ITPR2: variants seen among roughly 807,000 people sequenced by gnomAD.
ITPR2 encodes inositol 1,4,5-trisphosphate-gated calcium channel ITPR2.
A neutral mutation model predicts 317.1 loss-of-function variants in ITPR2; 207 were observed. The ratio of observed to expected loss-of-function variants is 0.65; its 90% CI spans 0.58 to 0.73. The LOEUF is 0.73. ITPR2 is among the 30% of genes least tolerant of loss of function. The pLI is 0.00. For synonymous variants in ITPR2, 1,156 were observed against 1,149.1 expected (o/e 1.01, Z -0.12); for missense variants, 2,613 against 3,284.0 (o/e 0.80, Z 4.99).
At chr12:26,731,854 G>C (rs1262126238) in intron 2 of ITPR2, among the ~76,000 whole-genome samples, 1 of 152,164 alleles carries the variant, frequency 6.6e-6, no homozygotes, top group Non-Finnish European at 1.5e-5. Context: ...TTGATGCAGG[G>C]AGAGGAATGC....
chr12:26,833,101 C>A lies in ITPR2; in HGVS notation c.-320G>T. ...AAGTTTTCTCTCCAACACCTTTGCT[C>A]CTCCTCCTCCTCCTTCCCTCTCCGC... On this transcript the variant is annotated 5_prime_UTR_variant, in exon 1 of 57. Coordinates refer to ENST00000381340, the MANE Select transcript of ITPR2 (RefSeq NM_002223.4). The A allele has an allele frequency of 3.6e-6, 1 of 274,638 alleles. No homozygotes were observed. Among genetic ancestry groups the A allele is most frequent in the South Asian group, 4.6e-5 (1 of 21,940 alleles). 17.0% of individuals were successfully genotyped at this position (274,638 alleles called of 1,614,324 possible).
chr12:26,518,204 T>C (rs1040681794), intron 37 of ITPR2, among the ~76,000 whole-genome samples: 1 of 152,160 alleles, frequency 6.6e-6, no homozygotes, highest in Non-Finnish European at 1.5e-5. Context: ...AAGAATGAGA[T>C]CATGTCCTTT....
Position 26,489,798 on chromosome 12 carries a change from T to C in ITPR2, c.5371-2547A>G, listed in dbSNP as rs541224420. On this transcript the variant is annotated intron_variant, in intron 39 of 56. Coordinates refer to ENST00000381340, the MANE Select transcript of ITPR2 (RefSeq NM_002223.4). ...TAAAGGAAGGGGCTGCAGTTCTCAG[T>C]ATGACAGAAGCAGGGGTGTTAAGAA... 2.6e-5 allele frequency among the ~76,000 whole-genome samples: 4 copies of C among 152,332 alleles called. No homozygotes were observed. In the South Asian group the frequency reaches 8.3e-4, roughly 32 times the overall value.
intron 55 of ITPR2, among the ~76,000 whole-genome samples, chr12:26,352,278 A>G (rs1938507092): frequency 6.6e-6 from 1 of 152,216 alleles, no homozygotes; most frequent in Non-Finnish European, 1.5e-5. Context: ...CTTTCCATTC[A>G]CGGTAGTTGG....
intron 45 of ITPR2, among the ~76,000 whole-genome samples, chr12:26,461,002 T>A (rs1453937019): frequency 1.3e-5 from 2 of 152,200 alleles, no homozygotes; most frequent in Non-Finnish European, 2.9e-5. Context: ...ATCCACTGAA[T>A]GAACATGTGC....
At chr12:26,727,173 G>T (rs1948943766) in intron 2 of ITPR2, among the ~76,000 whole-genome samples, 1 of 152,180 alleles carries the variant, frequency 6.6e-6, no homozygotes, top group African/African-American at 2.4e-5. Flanking sequence ...AGCCCTAAAA[G>T]TTATTTCCTG....
intron 54 of ITPR2, 69 bp downstream of exon 54, chr12:26,398,807 A>C: frequency 7.5e-7 from 1 of 1,329,886 alleles, no homozygotes; most frequent in Non-Finnish European, 1.0e-6. Flanking sequence ...AAAAATAAAA[A>C]TCCCTCTAGC....
At chr12:26,398,145 G>A (rs1170780588) in intron 54 of ITPR2, among the ~76,000 whole-genome samples, 4 of 151,558 alleles carry the variant, frequency 2.6e-5, no homozygotes, top group African/African-American at 4.9e-5. Flanking sequence ...GAGAAGGGCC[G>A]GGTGCGGTGG....
chr12:26,534,077 A>C (rs1203772549), intron 37 of ITPR2, among the ~76,000 whole-genome samples: 1 of 152,148 alleles, frequency 6.6e-6, no homozygotes, highest in Non-Finnish European at 1.5e-5. Flanking sequence ...TGACATGTCC[A>C]TTCTCCTAAC....
chr12:26,350,701 C>A (rs574447632), intron 55 of ITPR2, among the ~76,000 whole-genome samples: 1 of 152,178 alleles, frequency 6.6e-6, no homozygotes, highest in South Asian at 2.1e-4. Context: ...AGACCACAGC[C>A]CCCGAGAACC....
At chr12:26,493,444 T>C (rs1942856477) in intron 39 of ITPR2, among the ~76,000 whole-genome samples, 1 of 152,168 alleles carries the variant, frequency 6.6e-6, no homozygotes, top group Non-Finnish European at 1.5e-5. Flanking sequence ...AAGAGCAGGC[T>C]ACCGAGCAGC....
chr12:26,497,486 A>ACTCAATGCCTGAAATGATC (rs1942965410), intron 37 of ITPR2, among the ~76,000 whole-genome samples: 1 of 35,634 alleles, frequency 2.8e-5, no homozygotes, highest in African/African-American at 7.8e-5. Flanking sequence ...CTCCTATGAT[A>ACTCAATGCCTGAAATGATC]TTCAATTGTT....
At chr12:26,341,441 G>A (rs1359302956) in intron 55 of ITPR2, among the ~76,000 whole-genome samples, 1 of 152,166 alleles carries the variant, frequency 6.6e-6, no homozygotes, top group African/African-American at 2.4e-5. Flanking sequence ...AGTGACAGTG[G>A]CAAGGCCCAA....
intron 21 of ITPR2, among the ~76,000 whole-genome samples, chr12:26,646,941 G>A (rs1397517863): frequency 6.6e-6 from 1 of 152,208 alleles, no homozygotes; most frequent in Non-Finnish European, 1.5e-5. Flanking sequence ...AAAGCAAAAT[G>A]AGAGAAGCTA....
intron 2 of ITPR2, among the ~76,000 whole-genome samples, chr12:26,749,023 C>T (rs1401269190): frequency 2.0e-5 from 3 of 152,130 alleles, no homozygotes; most frequent in Non-Finnish European, 4.4e-5. Context: ...AATGACTAAA[C>T]GAAGTGAGAT....
At chr12:26,713,772 T>C (rs1948691897) in intron 8 of ITPR2, among the ~76,000 whole-genome samples, 1 of 150,360 alleles carries the variant, frequency 6.7e-6, no homozygotes, top group African/African-American at 2.5e-5. Flanking sequence ...TATTGCTACC[T>C]CTATATTTTT....
intron 40 of ITPR2, 129 bp downstream of exon 40, chr12:26,486,939 T>C: frequency 1.0e-6 from 1 of 978,846 alleles, no homozygotes; most frequent in Non-Finnish European, 1.6e-6. Context: ...AAATTCTTTA[T>C]GGATGATCAG....
At chr12:26,502,933 T>C (rs1329763277) in intron 37 of ITPR2, among the ~76,000 whole-genome samples, 2 of 152,182 alleles carry the variant, frequency 1.3e-5, no homozygotes, top group Non-Finnish European at 2.9e-5. Context: ...GGCACAACTT[T>C]GGAAGGTGGT....
At chr12:26,604,671 T>C (rs917460197) in intron 26 of ITPR2, among the ~76,000 whole-genome samples, 11 of 152,232 alleles carry the variant, frequency 7.2e-5, no homozygotes, top group Admixed American at 6.5e-4. Context: ...TCCAGAGCTA[T>C]ATCGCCTAGC....
Sources: gnomAD v4.1 joint callset for allele counts (sites outside exome capture counted in the v4.1 genomes callset) on GRCh38, gnomAD v4.1.1 for gene constraint, MANE v1.5 for transcripts, NCBI Gene and HGNC (gene_info 2026-07-23, HGNC 2026-07-21) for gene names.